The following SLC34A2 variants were observed in gnomAD, a reference collection of about 807,000 sequenced individuals.
SLC34A2 encodes sodium-dependent phosphate transport protein 2B.
In SLC34A2, 41 loss-of-function variants were observed where a neutral mutation model predicts 50.8. That is an observed-to-expected ratio of 0.81 (90% CI 0.63 to 1.05). SLC34A2 has a LOEUF of 1.05. Among genes scored for constraint, SLC34A2 ranks in the 50% least tolerant of loss-of-function variants. The pLI is 0.00. For missense variants in SLC34A2, 879 were observed against 876.7 expected (o/e 1.00, Z -0.03); for synonymous variants, 401 against 364.2 (o/e 1.10, Z -1.15).
At position 25,661,879 on chromosome 4, in the gene SLC34A2, T is replaced by C. The variant is rs560565290; in HGVS notation, c.-3-619T>C. ...GGCTTGCACCCTGCCTTTTTCTTTT[T>C]TTTTTTTTTTGAGAAGGAGTTTCAC... On this transcript the variant is annotated intron_variant, in intron 1 of 12. Transcript: ENST00000382051. Among the ~76,000 whole-genome samples the C allele has an allele frequency of 4.9e-4, 75 of 151,852 alleles. 1 individual carries two copies. Among genetic ancestry groups the C allele is most frequent in the African/African-American group, 1.7e-3 (72 of 41,440 alleles).
chr4:25,657,807 G>T (rs1713968213), intron 1 of SLC34A2, among the ~76,000 whole-genome samples: 1 of 152,112 alleles, frequency 6.6e-6, no homozygotes, highest in South Asian at 2.1e-4. Flanking sequence ...TGTCTAAGCT[G>T]GTCTCAAACT....
In SLC34A2 at chr4:25,658,055, C is replaced by T. The variant is rs571347420; in HGVS notation, c.-4+2165C>T. ...CTGGCCTGCATGAGGTTGAAATTAT[C>T]TCTGCAGTGTTGTGGTGCCTATGTG... On this transcript the variant is annotated intron_variant, in intron 1 of 12. Coordinates refer to ENST00000382051, the MANE Select transcript of SLC34A2 (RefSeq NM_006424.3). 3.3e-5 allele frequency among the ~76,000 whole-genome samples: 5 copies of T among 152,246 alleles called. No homozygotes were observed. The East Asian group carries it at 7.7e-4, about 24-fold the overall frequency.
At chr4:25,672,337 G>T (rs960959542) in intron 9 of SLC34A2, among the ~76,000 whole-genome samples, 1 of 152,184 alleles carries the variant, frequency 6.6e-6, no homozygotes. Context: ...GACCCACATA[G>T]AACAGATGTA....
In SLC34A2 at chr4:25,673,079, T is replaced by C. The variant is rs1714902829; in HGVS notation, c.1049-8T>C. On this transcript the variant is annotated splice_region_variant and splice_polypyrimidine_tract_variant and intron_variant, in intron 9 of 12. Transcript: ENST00000382051. Reference sequence around the variant, plus strand: ...GCCCTCCTGACAAGATTCTTTGTGGTCTTTCAGGCCAGCATATCTTTGTGA... The same window carrying C: ...GCCCTCCTGACAAGATTCTTTGTGGCCTTTCAGGCCAGCATATCTTTGTGA... The C allele has an allele frequency of 6.2e-7, 1 of 1,614,170 alleles. No individual in the cohort carries two copies. Among genetic ancestry groups the C allele is most frequent in the Non-Finnish European group, 8.5e-7 (1 of 1,180,008 alleles).
At chr4:25,670,207 A>C (rs1714742554) in intron 7 of SLC34A2, among the ~76,000 whole-genome samples, 4 of 152,220 alleles carry the variant, frequency 2.6e-5, no homozygotes, top group Admixed American at 2.6e-4. Context: ...CTGGGTGACA[A>C]AGTGAGACTG....
At chr4:25,671,849 G>A in intron 9 of SLC34A2, 128 bp downstream of exon 9, 2 of 1,290,254 alleles carry the variant, frequency 1.6e-6, no homozygotes, top group South Asian at 1.2e-5. Context: ...CCTACATCAA[G>A]CAGTGAGCAA....
intron 10 of SLC34A2, 68 bp downstream of exon 10, chr4:25,673,322 A>G: frequency 7.0e-7 from 1 of 1,438,012 alleles, no homozygotes; most frequent in South Asian, 1.1e-5. Flanking sequence ...GGTCCTTTAG[A>G]TTCCCATCTA....
chr4:25,673,247 C>T lies in SLC34A2; in HGVS notation c.1209C>T (p.Ile403=), dbSNP rs763519879. The change falls in exon 10 of 13, where the codon ATC becomes ATT. Residue 403 remains isoleucine (I), a synonymous_variant. Coordinates refer to ENST00000382051, the MANE Select transcript of SLC34A2 (RefSeq NM_006424.3). The part of the protein sequence containing the change: ...GQVATVIKKT[I]NTDFPFPFAW... ...TCGCCACTGTCATCAAGAAGACCAT[C>T]AACACTGGTAGGTACACTGCCCTCA... 3.1e-6 allele frequency: 5 copies of T among 1,612,214 alleles called. No homozygotes were observed. In the Admixed American group the frequency reaches 6.7e-5, roughly 22 times the overall value.
chr4:25,672,601 A>G (rs1375674107), intron 9 of SLC34A2, among the ~76,000 whole-genome samples: 1 of 152,188 alleles, frequency 6.6e-6, no homozygotes, highest in Non-Finnish European at 1.5e-5. Flanking sequence ...ATTACCCCAA[A>G]GAATCAAGTT....
At chr4:25,671,817 G>A (rs1053060061) in intron 9 of SLC34A2, 96 bp downstream of exon 9, 38 of 1,562,278 alleles carry the variant, frequency 2.4e-5, no homozygotes, top group Non-Finnish European at 2.9e-5. Context: ...GGAAAGGACA[G>A]TAGGAGTCAC....
intron 6 of SLC34A2, among the ~76,000 whole-genome samples, chr4:25,669,416 C>T (rs1023941267): frequency 6.6e-6 from 1 of 152,182 alleles, no homozygotes; most frequent in Non-Finnish European, 1.5e-5. Flanking sequence ...GCTAATTATT[C>T]CAGCCGTAAC....
intron 1 of SLC34A2, among the ~76,000 whole-genome samples, chr4:25,658,380 C>G (rs1173901261): frequency 6.6e-6 from 1 of 152,176 alleles, no homozygotes; most frequent in Non-Finnish European, 1.5e-5. Context: ...GGACCACTGC[C>G]CTGGGCTTCC....
At chr4:25,669,582 A>T in intron 6 of SLC34A2, 65 bp from the exon 7 acceptor site, 1 of 1,426,784 alleles carries the variant, frequency 7.0e-7, no homozygotes, top group Admixed American at 1.7e-5. Context: ...ACAGGTAATG[A>T]CCCACCTCAC....
At chr4:25,662,253 A>G (rs891816037) in intron 1 of SLC34A2, among the ~76,000 whole-genome samples, 21 of 152,202 alleles carry the variant, frequency 1.4e-4, no homozygotes, top group Non-Finnish European at 2.8e-4. Context: ...CTAACTCAAC[A>G]CTGTACGAGG....
rs1319753026 is a variant in SLC34A2 at position 25,676,449 on chromosome 4, C to T, written c.1773C>T (p.Asn591=). The T allele has an allele frequency of 6.2e-7, 1 of 1,614,126 alleles. No individual in the cohort carries two copies. The highest frequency in any genetic ancestry group is 1.3e-5 in the African/African-American group (1 of 74,952). The change falls in exon 13 of 13, where the codon AAC becomes AAT. Residue 591 remains asparagine (N), a synonymous_variant. Transcript: ENST00000382051. ...TGCCGAAGAAACTCCAGAACTGGAA[C>T]TTCCTGCCGCTGTGGATGCGCTCGC... The part of the protein sequence containing the change: ...RVLPKKLQNW[N]FLPLWMRSLK...
At chr4:25,665,307 C>T (rs1177394720) in intron 4 of SLC34A2, among the ~76,000 whole-genome samples, 4 of 151,910 alleles carry the variant, frequency 2.6e-5, no homozygotes, top group Non-Finnish European at 5.9e-5. Context: ...GCTGGGATTA[C>T]AGGCATGCAC....
intron 8 of SLC34A2, 114 bp downstream of exon 8, chr4:25,670,947 A>C (rs1259698152): frequency 9.2e-6 from 8 of 867,152 alleles, no homozygotes. Context: ...AAATATTGGG[A>C]GTCCCTGAAA....
intron 1 of SLC34A2, among the ~76,000 whole-genome samples, chr4:25,656,152 G>T (rs149272431): frequency 1.8e-4 from 27 of 152,302 alleles, no homozygotes; most frequent in African/African-American, 6.0e-4. Flanking sequence ...ATTCTAAAAT[G>T]ATCACTGTTT....
chr4:25,675,244 G>A (rs772250669), intron 12 of SLC34A2, among the ~76,000 whole-genome samples: 1 of 152,166 alleles, frequency 6.6e-6, no homozygotes, highest in African/African-American at 2.4e-5. Flanking sequence ...TGTTGGCCAG[G>A]CTGGTCTTGA....
Sources: gnomAD v4.1 joint callset for allele counts (sites outside exome capture counted in the v4.1 genomes callset) on GRCh38, gnomAD v4.1.1 for gene constraint, MANE v1.5 for transcripts, NCBI Gene and HGNC (gene_info 2026-07-23, HGNC 2026-07-21) for gene names.